Variants in GATAD2B observed in about 807,000 individuals in gnomAD.
The protein encoded by GATAD2B is GATA zinc finger domain containing 2B, also known as transcriptional repressor p66-beta.
GATAD2B carries 8 observed loss-of-function variants against 64.3 expected under a neutral mutation model. The observed-to-expected ratio is 0.12, with a 90% confidence interval of 0.07 to 0.22. The LOEUF (loss-of-function observed/expected upper bound fraction) is 0.22, where lower values mean the gene tolerates loss of function less well. Ranked by LOEUF, GATAD2B falls within the 10% of genes least tolerant of loss-of-function variation. The pLI is 1.00. For missense variants in GATAD2B, 453 were observed against 752.0 expected, an observed-to-expected ratio of 0.60 and a Z score of 4.65; for synonymous variants, 281 against 271.3, an observed-to-expected ratio of 1.04 and a Z score of -0.35.
chr1:153,856,912 T>C (rs1676099973), intron 1 of GATAD2B, among the ~76,000 whole-genome samples: 1 of 152,124 alleles, frequency 6.6e-6, no homozygotes, highest in Non-Finnish European at 1.5e-5. Context: ...ATATGGTTAC[T>C]TGTTGGCTTG....
chr1:153,836,435 G>A (rs1675270934), intron 1 of GATAD2B, among the ~76,000 whole-genome samples: 1 of 151,706 alleles, frequency 6.6e-6, no homozygotes, highest in Non-Finnish European at 1.5e-5. Context: ...ATTTTTAGTA[G>A]AGACGAGGTT....
At chr1:153,892,177 A>AC (rs891910115) in intron 1 of GATAD2B, among the ~76,000 whole-genome samples, 5 of 151,206 alleles carry the variant, frequency 3.3e-5, no homozygotes, top group African/African-American at 1.2e-4. Context: ...AAAAAAAAAA[A>AC]AAAAAAAAGA....
chr1:153,831,141 G>C (rs1262998663), intron 1 of GATAD2B, among the ~76,000 whole-genome samples: 1 of 152,090 alleles, frequency 6.6e-6, no homozygotes, highest in African/African-American at 2.4e-5. Flanking sequence ...TTAAAGAATA[G>C]CTTTAGCAGC....
At chr1:153,851,513 G>A (rs1675896270) in intron 1 of GATAD2B, among the ~76,000 whole-genome samples, 1 of 152,012 alleles carries the variant, frequency 6.6e-6, no homozygotes, top group Admixed American at 6.6e-5. Context: ...TGGTTTTGAT[G>A]TGTACTTCTC....
intron 1 of GATAD2B, among the ~76,000 whole-genome samples, chr1:153,859,317 T>C (rs1328694251): frequency 1.3e-5 from 2 of 150,114 alleles, no homozygotes; most frequent in African/African-American, 4.9e-5. Context: ...TAGTGAGCCA[T>C]GATTCCACCA....
chr1:153,837,822 A>G (rs1675329293), intron 1 of GATAD2B, among the ~76,000 whole-genome samples: 1 of 152,248 alleles, frequency 6.6e-6, no homozygotes, highest in Non-Finnish European at 1.5e-5. Context: ...CTGCAAAAAA[A>G]AGAAAATTTT....
At chr1:153,888,357 TCTC>T (rs1045444171) in intron 1 of GATAD2B, among the ~76,000 whole-genome samples, 2 of 152,196 alleles carry the variant, frequency 1.3e-5, no homozygotes, top group African/African-American at 4.8e-5. Flanking sequence ...AGACAAAGTA[TCTC>T]TAGTAGTGTC....
intron 1 of GATAD2B, among the ~76,000 whole-genome samples, chr1:153,859,226 G>A (rs1557808250): frequency 6.6e-6 from 1 of 151,732 alleles, no homozygotes; most frequent in Non-Finnish European, 1.5e-5. Context: ...AATCAGGCAG[G>A]TGTGGTGGAG....
intron 2 of GATAD2B, among the ~76,000 whole-genome samples, chr1:153,824,974 T>A (rs1244755876): frequency 6.6e-6 from 1 of 152,024 alleles, no homozygotes; most frequent in African/African-American, 2.4e-5. Flanking sequence ...TAGTCCCAGC[T>A]ACTTGGGTGG....
At position 153,818,932 on chromosome 1, in the gene GATAD2B, CAAG is replaced by C. The variant is rs1674579006; in HGVS notation, c.466-13_466-11del. On this transcript the variant is annotated splice_polypyrimidine_tract_variant and intron_variant, in intron 3 of 10. Transcript: ENST00000368655. Reference sequence around the variant, plus strand: ...CCTCAATGCCTTTCCCCTAAGGAAACAAGAAGACTTTCAGCTATGGCAGCAAGG... The same window carrying C: ...CCTCAATGCCTTTCCCCTAAGGAAACAAGACTTTCAGCTATGGCAGCAAGG... 6.2e-7 allele frequency: 1 copy of C among 1,607,520 alleles called. No homozygotes were observed. Among genetic ancestry groups the C allele is most frequent in the Non-Finnish European group, 8.5e-7 (1 of 1,179,642 alleles).
intron 1 of GATAD2B, among the ~76,000 whole-genome samples, chr1:153,882,717 T>C (rs754061505): frequency 2.0e-5 from 3 of 152,160 alleles, no homozygotes; most frequent in African/African-American, 7.2e-5. Context: ...CCTCCTCACC[T>C]ACCACATCCC....
At chr1:153,829,140 G>A (rs1162203998) in intron 1 of GATAD2B, among the ~76,000 whole-genome samples, 1 of 152,104 alleles carries the variant, frequency 6.6e-6, no homozygotes, top group African/African-American at 2.4e-5. Context: ...AGGAGGTTGA[G>A]GCTGCACTGA....
intron 1 of GATAD2B, among the ~76,000 whole-genome samples, chr1:153,891,203 AG>A (rs1260657815): frequency 2.8e-4 from 42 of 151,220 alleles, no homozygotes; most frequent in African/African-American, 1.0e-3. Flanking sequence ...CAAATAAAAA[AG>A]GAAAAGAAAG....
At chr1:153,819,880 CCT>C in intron 2 of GATAD2B, 145 bp from the exon 3 acceptor site, 5 of 552,982 alleles carry the variant, frequency 9.0e-6, no homozygotes, top group Non-Finnish European at 1.5e-5. Flanking sequence ...GGGTGGAACA[CCT>C]GGGGTCAGGA....
chr1:153,878,287 G>A (rs75440637), intron 1 of GATAD2B, among the ~76,000 whole-genome samples: 3,895 of 151,684 alleles, frequency 0.026, 197 homozygotes, highest in African/African-American at 0.089. Context: ...AGGACCACAG[G>A]CACATGCCAC....
intron 7 of GATAD2B, among the ~76,000 whole-genome samples, chr1:153,814,821 C>T (rs757097412): frequency 3.7e-4 from 56 of 151,518 alleles, no homozygotes; most frequent in South Asian, 6.3e-4. Context: ...AAGAAAAACA[C>T]AAAAATTGGC....
intron 1 of GATAD2B, among the ~76,000 whole-genome samples, chr1:153,868,157 G>A (rs898124756): frequency 6.6e-5 from 10 of 151,966 alleles, no homozygotes; most frequent in African/African-American, 1.7e-4. Context: ...AGCTGAGATC[G>A]TGCCACTGCA....
chr1:153,822,149 C>G (rs1413331269), intron 2 of GATAD2B, among the ~76,000 whole-genome samples: 1 of 151,738 alleles, frequency 6.6e-6, no homozygotes, highest in East Asian at 1.9e-4. Flanking sequence ...CCACTACACT[C>G]CAGCCTGGGT....
chr1:153,838,190 T>C (rs557811893), intron 1 of GATAD2B, among the ~76,000 whole-genome samples: 6 of 152,178 alleles, frequency 3.9e-5, no homozygotes, highest in African/African-American at 7.2e-5. Flanking sequence ...GAGCCAGACA[T>C]CTTAAGAAGC....
Sources: gnomAD v4.1 joint callset for allele counts (sites outside exome capture counted in the v4.1 genomes callset) on GRCh38, gnomAD v4.1.1 for gene constraint, MANE v1.5 for transcripts, NCBI Gene and HGNC (gene_info 2026-07-23, HGNC 2026-07-21) for gene names.